Variants in MED21 observed in about 807,000 individuals in gnomAD.
MED21 encodes mediator complex subunit 21, also known as mediator of RNA polymerase II transcription subunit 21.
Under a neutral mutation model 18.2 loss-of-function variants are expected in MED21, and 9 were observed. That is an observed-to-expected ratio of 0.49 (90% CI 0.30 to 0.86). The LOEUF (loss-of-function observed/expected upper bound fraction) is 0.86. MED21 is among the 40% of genes least tolerant of loss of function. The probability of loss-of-function intolerance (pLI) is 0.07; values close to 1 mark genes in which losing one functional copy is unlikely to be tolerated. For synonymous variants in MED21, 73 were observed against 60.5 expected (o/e 1.21, Z -0.96); for missense variants, 150 against 170.9 (o/e 0.88, Z 0.68).
chr12:27,033,212 A>C (rs2094134968), downstream of MED21, among the ~76,000 whole-genome samples: 1 of 152,150 alleles, frequency 6.6e-6, no homozygotes, highest in African/African-American at 2.4e-5. Context: ...GCTTATAGAC[A>C]ATATAAATTT....
At chr12:27,032,186 A>G (rs545464546), downstream of MED21, among the ~76,000 whole-genome samples, 6 of 152,300 alleles carry the variant, frequency 3.9e-5, no homozygotes, top group South Asian at 2.1e-4. Flanking sequence ...CTGGAAGCCT[A>G]TGGGAAAGGA....
intron 1 of MED21, among the ~76,000 whole-genome samples, chr12:27,024,790 C>A (rs929163052): frequency 2.0e-5 from 3 of 152,072 alleles, no homozygotes; most frequent in African/African-American, 7.2e-5. Context: ...GTCAAATACT[C>A]AGGAGACATT....
chr12:27,022,862 T>C, intron 1 of MED21: 1 of 1,435,712 alleles, frequency 7.0e-7, no homozygotes, highest in Non-Finnish European at 9.2e-7. Flanking sequence ...GGAAGATCGT[T>C]CTTGTCCGGG....
chr12:27,026,248 G>A (rs1164900539), intron 1 of MED21, among the ~76,000 whole-genome samples, 172 bp from the exon 2 acceptor site: 2 of 152,118 alleles, frequency 1.3e-5, no homozygotes, highest in Non-Finnish European at 2.9e-5. Flanking sequence ...GAATTAAAAC[G>A]TTTAATCAAC....
Position 27,030,202 on chromosome 12 carries a change from G to A in MED21, c.*1741G>A, listed in dbSNP as rs1941601482. On this transcript the variant is annotated 3_prime_UTR_variant, in exon 4 of 4. Coordinates refer to ENST00000282892, the MANE Select transcript of MED21 (RefSeq NM_004264.5). ...AGCTGAAGTGCAGTTCTGTGATCAT[G>A]GCTCACTGCAGCTTCACCCTGGGTT... The A allele has an allele frequency of 1.5e-6, 1 of 647,842 alleles. No homozygotes were observed. Among genetic ancestry groups the A allele is most frequent in the East Asian group, 2.8e-5 (1 of 35,710 alleles). 40.1% of individuals were successfully genotyped at this position (647,842 alleles called of 1,614,324 possible).
chr12:27,031,938 G>A (rs1439934518), downstream of MED21, among the ~76,000 whole-genome samples: 2 of 152,088 alleles, frequency 1.3e-5, no homozygotes. Flanking sequence ...AAAGCTGTGT[G>A]GATATGACTG....
chr12:27,036,064 A>G (rs1253903341), intron 2 of MED21, among the ~76,000 whole-genome samples: 1 of 152,144 alleles, frequency 6.6e-6, no homozygotes, highest in Non-Finnish European at 1.5e-5. Flanking sequence ...AATAGTGTAA[A>G]ACTATTCCTA....
Position 27,027,333 on chromosome 12 carries a change from G to A in MED21, c.158-14G>A, listed in dbSNP as rs1369778130. 1 of 1,585,502 alleles carries A rather than the reference G, an allele frequency of 6.3e-7. No homozygotes were observed. ...GGTTTTCTAATATCCTAATCTAGCAGTATCTTTCTCTAGAGTATGCCCAGC... is the reference window on the plus strand; with the variant it reads ...GGTTTTCTAATATCCTAATCTAGCAATATCTTTCTCTAGAGTATGCCCAGC... On this transcript the variant is annotated splice_polypyrimidine_tract_variant and intron_variant, in intron 2 of 3. Coordinates refer to ENST00000282892, the MANE Select transcript of MED21 (RefSeq NM_004264.5).
At chr12:27,027,308 G>T (rs1266976806) in intron 2 of MED21, 39 bp from the exon 3 acceptor site, 1 of 1,428,330 alleles carries the variant, frequency 7.0e-7, no homozygotes, top group East Asian at 2.3e-5. Flanking sequence ...GAAAACTTGA[G>T]GTTTTCTAAT....
Position 27,026,467 on chromosome 12 carries a change from T to C in MED21, c.90T>C (p.Gly30=). Residue 30 remains glycine (G), a synonymous_variant, in exon 2 of 4, where the codon GGT becomes GGC. Transcript: ENST00000282892. ...CNAIGVLQQC[G]PPASFNNIQT... ...CCATTGGAGTATTGCAGCAATGTGGTCCTCCTGCCTCTTTCAATAATATTC... is the reference window on the plus strand; with the variant it reads ...CCATTGGAGTATTGCAGCAATGTGGCCCTCCTGCCTCTTTCAATAATATTC... 1 of 1,613,966 alleles carries C rather than the reference T, an allele frequency of 6.2e-7. No homozygotes were observed. Among genetic ancestry groups the C allele is most frequent in the Non-Finnish European group, 8.5e-7 (1 of 1,179,938 alleles).
Position 27,029,213 on chromosome 12 carries a change from T to C in MED21, c.*752T>C, listed in dbSNP as rs1340199712. 2.0e-6 allele frequency: 2 copies of C among 985,428 alleles called. No individual in the cohort carries two copies. The highest frequency in any genetic ancestry group is 2.4e-6 in the Non-Finnish European group (2 of 829,902). The allele number at this position is 985,428 out of a possible 1,614,324, so 61.0% of individuals were successfully genotyped here. On this transcript the variant is annotated 3_prime_UTR_variant, in exon 4 of 4. Coordinates refer to ENST00000282892, the MANE Select transcript of MED21 (RefSeq NM_004264.5). The stretch of plus-strand genomic sequence containing the variant: ...TTGAATCATCAATTCTTTCTCATTC[T>C]CCATTTATCTGAAGGTTCTTTTGCC...
chr12:27,031,090 A>G (rs1941615497), downstream of MED21, among the ~76,000 whole-genome samples: 1 of 151,952 alleles, frequency 6.6e-6, no homozygotes, highest in African/African-American at 2.4e-5. Flanking sequence ...TATTTTTAGT[A>G]GAGACGGGGT....
chr12:27,023,477 A>G (rs1941503946), intron 1 of MED21, among the ~76,000 whole-genome samples: 1 of 151,506 alleles, frequency 6.6e-6, no homozygotes, highest in Non-Finnish European at 1.5e-5. Context: ...TTGTATTTTT[A>G]GTAGAGACGG....
Position 27,022,956 on chromosome 12 carries a change from G to T in MED21, c.42+335G>T, listed in dbSNP as rs1457291049. 5.3e-6 allele frequency: 6 copies of T among 1,136,738 alleles called. No individual in the cohort carries two copies. The East Asian group carries it at 2.6e-4, about 50-fold the overall frequency. The allele number at this position is 1,136,738 out of a possible 1,614,324, so 70.4% of individuals were successfully genotyped here. On this transcript the variant is annotated intron_variant, in intron 1 of 3. Transcript: ENST00000282892. ...ATTTTCTTGTCAGTGGTGCTTACGG[G>T]TTCTCTTTCTTTTGGGGGTTGGGAG...
Position 27,030,537 on chromosome 12 carries a change from A to G in MED21, c.*2076A>G, listed in dbSNP as rs528871302. 4.4e-4 allele frequency: 98 copies of G among 222,588 alleles called. 3 individuals carry two copies. The South Asian group carries it at 0.017, about 40-fold the overall frequency. 13.8% of individuals were successfully genotyped at this position (222,588 alleles called of 1,614,324 possible). On this transcript the variant is annotated 3_prime_UTR_variant, in exon 4 of 4. Coordinates refer to ENST00000282892, the MANE Select transcript of MED21 (RefSeq NM_004264.5). ...AACCCAGGAACGAGAAACAGAATAA[A>G]ACAATAGTAAACCTAAATTTTATTT...
At chr12:27,031,747 C>T (rs114121166), downstream of MED21, among the ~76,000 whole-genome samples, 1,424 of 151,786 alleles carry the variant, frequency 9.4e-3, 24 homozygotes, top group African/African-American at 0.032. Flanking sequence ...GGAATTTGAT[C>T]GAAGAATTAG....
chr12:27,037,305 T>A (rs1041610055), intron 2 of MED21: 18 of 151,942 alleles, frequency 1.2e-4, no homozygotes, highest in Admixed American at 1.2e-3. Flanking sequence ...CCTGAGACTT[T>A]GCTGAAGTTG....
chr12:27,033,244 C>T (rs772760418), downstream of MED21, among the ~76,000 whole-genome samples: 11 of 152,160 alleles, frequency 7.2e-5, no homozygotes, highest in African/African-American at 2.2e-4. Context: ...TTCTGAAGCC[C>T]GGGAAGTCAA....
downstream of MED21, among the ~76,000 whole-genome samples, chr12:27,031,335 C>G (rs1175720835): frequency 2.0e-5 from 3 of 152,108 alleles, no homozygotes; most frequent in African/African-American, 7.2e-5. Flanking sequence ...AGAGTGTCCT[C>G]TGGATCCTTC....
Sources: allele counts gnomAD v4.1 joint callset (sites outside exome capture counted in the v4.1 genomes callset), GRCh38; gene constraint gnomAD v4.1.1; transcripts MANE v1.5; gene names NCBI Gene and HGNC (gene_info 2026-07-23, HGNC 2026-07-21).